Variants in GRAMD4 observed in about 807,000 individuals in gnomAD.
GRAMD4 encodes the protein GRAM domain containing 4.
Under a neutral mutation model 83.9 loss-of-function variants are expected in GRAMD4, and 25 were observed. The ratio of observed to expected loss-of-function variants is 0.30; its 90% CI spans 0.22 to 0.42. GRAMD4 has a LOEUF of 0.42. Among genes scored for constraint, GRAMD4 ranks in the 10% least tolerant of loss-of-function variants. GRAMD4 has a pLI of 1.00. For missense variants in GRAMD4, 593 were observed against 788.7 expected (o/e 0.75, Z 2.97); for synonymous variants, 336 against 320.9 (o/e 1.05, Z -0.50).
Position 46,656,345 on chromosome 22 carries a change from C to T in GRAMD4, c.284-1842C>T, listed in dbSNP as rs531307612. The stretch of plus-strand genomic sequence containing the variant: ...TGCCTGTCTCTTCCCTTTTGGGTAC[C>T]GTGAGCCTGTGGCTGCCGGGCAGGA... On this transcript the variant is annotated intron_variant, in intron 3 of 18. Coordinates refer to ENST00000406902, the MANE Select transcript of GRAMD4 (RefSeq NM_015124.5). 3.3e-5 allele frequency among the ~76,000 whole-genome samples: 5 copies of T among 152,342 alleles called. No individual in the cohort carries two copies. In the East Asian group the frequency reaches 7.7e-4, roughly 24 times the overall value.
intron 10 of GRAMD4, 70 bp from the exon 11 acceptor site, chr22:46,668,026 A>G: frequency 1.8e-6 from 2 of 1,114,336 alleles, no homozygotes; most frequent in Non-Finnish European, 2.7e-6. Flanking sequence ...AGGGCTCCAC[A>G]CTGTTTTGTC....
chr22:46,583,744 G>A (rs1418408850), intron 1 of GRAMD4, among the ~76,000 whole-genome samples: 2 of 152,194 alleles, frequency 1.3e-5, no homozygotes, highest in African/African-American at 2.4e-5. Flanking sequence ...GCATACCTTC[G>A]ATGTGGCCCG....
rs2081913979 is a variant in GRAMD4, at chr22:46,637,857, C to A, written c.180C>A (p.Leu60=). ...ELRDPAGPGT[L]IMATGVQDFN... ...TCTTCTAGGCTGGTCCAGGGACCCT[C>A]ATCATGGCCACAGGAGTCCAGGACT... The change falls in exon 3 of 19, where the codon CTC becomes CTA. Residue 60 remains leucine, a synonymous_variant. Transcript: ENST00000406902. 3.1e-6 allele frequency: 5 copies of A among 1,614,082 alleles called. No homozygotes were observed. In the South Asian group the frequency reaches 5.5e-5, roughly 18 times the overall value.
chr22:46,603,906 G>C lies in GRAMD4; in HGVS notation c.-49-22845G>C, dbSNP rs140995166. On this transcript the variant is annotated intron_variant, in intron 1 of 1. Transcript: ENST00000431155. Reference sequence around the variant, plus strand: ...TGGGTGCCCCTCCAGGGCCACCTTTGCTACATGAATGCTTTCCTTGTTCTG... The same window carrying C: ...TGGGTGCCCCTCCAGGGCCACCTTTCCTACATGAATGCTTTCCTTGTTCTG... Among the ~76,000 whole-genome samples the C allele has an allele frequency of 1.8e-3, 269 of 152,262 alleles. 2 individuals carry two copies. Among genetic ancestry groups the C allele is most frequent in the African/African-American group, 6.1e-3 (255 of 41,558 alleles).
At chr22:46,628,618 A>G (rs2081714008) in intron 2 of GRAMD4, among the ~76,000 whole-genome samples, 1 of 146,960 alleles carries the variant, frequency 6.8e-6, no homozygotes, top group Non-Finnish European at 1.5e-5. Context: ...GGGCGGGTGG[A>G]CTGAGTGTGT....
chr22:46,632,311 G>A lies in GRAMD4; in HGVS notation c.162+5350G>A, dbSNP rs142773093. 3.7e-4 allele frequency among the ~76,000 whole-genome samples: 57 copies of A among 152,334 alleles called. 1 individual carries two copies. In the East Asian group the frequency reaches 9.1e-3, roughly 24 times the overall value. On this transcript the variant is annotated intron_variant, in intron 2 of 18. Transcript: ENST00000406902. ...TGGGCATGCTTAGGGCTGGGGCAGC[G>A]TCTGGGGTGACCCCCGACCAGGAGG... is the stretch of plus-strand genomic sequence containing the variant.
intron 13 of GRAMD4, among the ~76,000 whole-genome samples, chr22:46,670,151 G>T (rs368901555): frequency 6.6e-6 from 1 of 152,368 alleles, no homozygotes; most frequent in South Asian, 2.1e-4. Flanking sequence ...GGCGTGCTGC[G>T]CAGAGGAGCA....
intron 1 of GRAMD4, among the ~76,000 whole-genome samples, chr22:46,586,811 G>T (rs2081155094): frequency 6.6e-6 from 1 of 152,168 alleles, no homozygotes; most frequent in African/African-American, 2.4e-5. Context: ...CTGTCTTCCT[G>T]CCCTGCAGCT....
chr22:46,614,339 G>T (rs1411646979), intron 1 of GRAMD4, among the ~76,000 whole-genome samples: 1 of 152,244 alleles, frequency 6.6e-6, no homozygotes, highest in African/African-American at 2.4e-5. Flanking sequence ...TTACCAAACT[G>T]ATGAGGAAAG....
At position 46,590,520 on chromosome 22, in the gene GRAMD4, G is replaced by A. The variant is rs147337922; in HGVS notation, c.-50+13230G>A. 3.2e-3 allele frequency among the ~76,000 whole-genome samples: 487 copies of A among 152,338 alleles called. 1 individual carries two copies. Among genetic ancestry groups the A allele is most frequent in the African/African-American group, 0.011 (468 of 41,586 alleles). On this transcript the variant is annotated intron_variant, in intron 1 of 1. Coordinates refer to the GRAMD4 transcript ENST00000431155. ...GTGTGACCAGGCCTGGGCTGCTGCCGTTAACACCCAGTCAGCTGGTGTCTG... is the reference window on the plus strand; with the variant it reads ...GTGTGACCAGGCCTGGGCTGCTGCCATTAACACCCAGTCAGCTGGTGTCTG...
chr22:46,648,321 G>T (rs1392489693), intron 3 of GRAMD4, among the ~76,000 whole-genome samples: 7 of 66,202 alleles, frequency 1.1e-4, no homozygotes, highest in Non-Finnish European at 1.9e-4. Context: ...CAAGTGAGTG[G>T]ATGGATGGAT....
At chr22:46,680,816 A>G (rs1314426906), downstream of GRAMD4, among the ~76,000 whole-genome samples, 1 of 78,964 alleles carries the variant, frequency 1.3e-5, no homozygotes. Flanking sequence ...CCATCCATCC[A>G]TCCATCCATC....
At chr22:46,667,655 C>T (rs1415867235) in intron 10 of GRAMD4, among the ~76,000 whole-genome samples, 3 of 152,208 alleles carry the variant, frequency 2.0e-5, no homozygotes, top group Admixed American at 6.5e-5. Flanking sequence ...GCATGGAGCA[C>T]CAGGGGTCAG....
Position 46,661,405 on chromosome 22 carries a change from GC to G in GRAMD4, c.434del (p.Pro145GlnfsTer52). On this transcript the variant is annotated frameshift_variant, in exon 5 of 19. Coordinates refer to ENST00000406902, the MANE Select transcript of GRAMD4 (RefSeq NM_015124.5). LOFTEE classifies it high-confidence loss of function. ...GAACCGAGGAGCAGATGGCTCAGCA[GC>G]CCCCAAAAGGGCAGGCCCAGGCCAG... ...ARTEEQMAQQ[P>X]PKGQAQASNG... 1 of 1,612,246 alleles carries G rather than the reference GC, an allele frequency of 6.2e-7. No homozygotes were observed.
At chr22:46,639,794 CA>C (rs1338615037) in intron 3 of GRAMD4, among the ~76,000 whole-genome samples, 1 of 152,204 alleles carries the variant, frequency 6.6e-6, no homozygotes, top group Admixed American at 6.5e-5. Flanking sequence ...GTTCTGAGGA[CA>C]GCTCTGGTGA....
intron 1 of GRAMD4, among the ~76,000 whole-genome samples, chr22:46,625,725 G>A (rs556313913): frequency 1.8e-4 from 28 of 152,366 alleles, no homozygotes; most frequent in African/African-American, 6.7e-4. Flanking sequence ...TGGGGCTGGG[G>A]CTGGGTGGCC....
At chr22:46,681,851 A>G (rs2146529483), downstream of GRAMD4, among the ~76,000 whole-genome samples, 1 of 152,306 alleles carries the variant, frequency 6.6e-6, no homozygotes, top group East Asian at 1.9e-4. Context: ...CTGGGAACCC[A>G]GGGTTGTGGT....
chr22:46,624,324 C>CTTTTTTTTTT lies in GRAMD4; in HGVS notation c.-49-2411_-49-2402dup, dbSNP rs577618843. 1.2e-3 allele frequency among the ~76,000 whole-genome samples: 86 copies of CTTTTTTTTTT among 69,548 alleles called. 8 individuals are homozygous for CTTTTTTTTTT. The highest frequency in any genetic ancestry group is 4.5e-3 in the East Asian group (9 of 2,016). 45.6% of individuals were successfully genotyped at this position (69,548 alleles called of 152,430 possible). A position where few individuals can be genotyped will look rare whatever the true frequency, so the allele number is the denominator to read the frequency against. ...TTCATAGCTACTAAGTTCCCTCTTC[C>CTTTTTTTTTT]TTTTTTTTTTTTTTTTTTTTTTTTT... On this transcript the variant is annotated intron_variant, in intron 1 of 18. Transcript: ENST00000406902.
At chr22:46,628,731 T>A (rs1034757952) in intron 2 of GRAMD4, among the ~76,000 whole-genome samples, 1 of 151,760 alleles carries the variant, frequency 6.6e-6, no homozygotes, top group Non-Finnish European at 1.5e-5. Context: ...GGCTGTGGGA[T>A]CATGGGAGTC....
Sources: gnomAD v4.1 joint callset for allele counts (sites outside exome capture counted in the v4.1 genomes callset) on GRCh38, gnomAD v4.1.1 for gene constraint, MANE v1.5 for transcripts, NCBI Gene and HGNC (gene_info 2026-07-23, HGNC 2026-07-21) for gene names.